The following TASL variants were observed in gnomAD, a reference collection of about 807,000 sequenced individuals.
The protein encoded by TASL is TLR adapter interacting with SLC15A4 on the lysosome.
Under a neutral mutation model 12.9 loss-of-function variants are expected in TASL, and 6 were observed. That is an observed-to-expected ratio of 0.46 (90% CI 0.25 to 0.92). The LOEUF is 0.92. TASL is among the 40% of genes least tolerant of loss of function. The pLI is 0.17. For synonymous variants in TASL, 85 were observed against 79.3 expected, an observed-to-expected ratio of 1.07 and a Z score of -0.38; for missense variants, 165 against 212.8, an observed-to-expected ratio of 0.78 and a Z score of 1.40.
chrX:30,573,926 A>T (rs1930668525), intron 2 of TASL, among the ~76,000 whole-genome samples: 1 of 111,843 alleles, frequency 8.9e-6, no homozygotes, highest in Non-Finnish European at 1.9e-5. Context: ...TCAAAAATAA[A>T]AAATAAATAA....
chrX:30,561,956 G>A (rs1464164678), intron 2 of TASL, among the ~76,000 whole-genome samples: 4 of 111,042 alleles, frequency 3.6e-5, no homozygotes, highest in Non-Finnish European at 7.5e-5. Flanking sequence ...TTACCTACAC[G>A]GAAAGATAAG....
intron 2 of TASL, among the ~76,000 whole-genome samples, chrX:30,561,302 T>A (rs762958218): frequency 9.0e-6 from 1 of 111,574 alleles, no homozygotes; most frequent in East Asian, 2.8e-4. Context: ...ACCTCCTAGT[T>A]ACCAAGGAGC....
intron 2 of TASL, among the ~76,000 whole-genome samples, chrX:30,576,248 A>G (rs756257435): frequency 8.9e-6 from 1 of 111,961 alleles, no homozygotes; most frequent in South Asian, 3.6e-4. Context: ...GTAATGTGTT[A>G]TAGAAGACTG....
intron 2 of TASL, among the ~76,000 whole-genome samples, chrX:30,563,939 C>T (rs1446977655): frequency 9.0e-6 from 1 of 111,251 alleles, no homozygotes; most frequent in Non-Finnish European, 1.9e-5. Flanking sequence ...ATTAATAGAG[C>T]CTATTGAGCT....
At chrX:30,573,390 G>A (rs1930658624) in intron 2 of TASL, among the ~76,000 whole-genome samples, 1 of 112,872 alleles carries the variant, frequency 8.9e-6, no homozygotes, top group African/African-American at 3.2e-5. Flanking sequence ...GGAAGGTGCA[G>A]TGAAGTGCAG....
intron 2 of TASL, among the ~76,000 whole-genome samples, chrX:30,570,931 A>T (rs1240547502): frequency 9.0e-6 from 1 of 110,811 alleles, no homozygotes; most frequent in African/African-American, 3.3e-5. Flanking sequence ...CTATAATCCC[A>T]GCACTTTGGG....
intron 2 of TASL, among the ~76,000 whole-genome samples, chrX:30,564,460 A>G (rs866853985): frequency 0.015 from 1,724 of 111,439 alleles, 19 homozygotes; most frequent in Non-Finnish European, 0.025. Context: ...GAAATGATAG[A>G]ACACTTGGGA....
rs374763358 is a variant in TASL at position 30,576,113 on chromosome X, C to A, written c.-2+639G>T. Among the ~76,000 whole-genome samples the A allele has an allele frequency of 5.4e-5, 6 of 111,806 alleles. No individual in the cohort carries two copies. In the East Asian group the frequency reaches 1.4e-3, roughly 26 times the overall value. ...TCAACTACAAATGCAATGCAAGATT[C>A]TTGATTGGATCCTGGATTTAAAACA... On this transcript the variant is annotated intron_variant, in intron 2 of 2. Transcript: ENST00000378962.
intron 2 of TASL, among the ~76,000 whole-genome samples, chrX:30,571,671 A>T (rs1930629804): frequency 9.0e-6 from 1 of 110,749 alleles, no homozygotes; most frequent in African/African-American, 3.3e-5. Flanking sequence ...TTAATGCACC[A>T]CTAGAATAAA....
intron 2 of TASL, among the ~76,000 whole-genome samples, chrX:30,566,573 T>G (rs998528423): frequency 8.9e-6 from 1 of 112,006 alleles, no homozygotes; most frequent in Non-Finnish European, 1.9e-5. Flanking sequence ...TGTTGGGTAA[T>G]GAAATGGGAT....
intron 2 of TASL, among the ~76,000 whole-genome samples, chrX:30,570,019 A>T (rs919080731): frequency 3.9e-5 from 2 of 50,710 alleles, no homozygotes; most frequent in Non-Finnish European, 6.9e-5. Context: ...TCTGTCTAAA[A>T]AGAAAAAAAA....
chrX:30,569,330 C>CA lies in TASL; in HGVS notation c.-2+7421dup, dbSNP rs199508789. 8.8e-3 allele frequency among the ~76,000 whole-genome samples: 973 copies of CA among 110,482 alleles called. 3 individuals are homozygous for CA. Among genetic ancestry groups the CA allele is most frequent in the Middle Eastern group, 0.023 (5 of 218 alleles). On this transcript the variant is annotated intron_variant, in intron 2 of 2. Coordinates refer to ENST00000378962, the MANE Select transcript of TASL (RefSeq NM_025159.3). ...ATGGAAGTGAAGGAGAGAGAGGAGC[C>CA]AAAAGTAACTCTGAGTGTGGGTATG...
chrX:30,560,007 A>G lies in TASL; in HGVS notation c.349T>C (p.Cys117Arg), dbSNP rs1930392983. 1 of 1,209,377 alleles carries G rather than the reference A, an allele frequency of 8.3e-7. No homozygotes were observed. The highest frequency in any genetic ancestry group is 1.7e-5 in the African/African-American group (1 of 57,196). Residue 117 changes from cysteine to arginine, a missense_variant, in exon 3 of 3, where the codon TGC becomes CGC. By Grantham distance (180) the Cys-to-Arg change is radical (BLOSUM62 -3). Transcript: ENST00000378962. ...TTATAATTCTTGCAAATACTTTTGC[A>G]AGAAGATGGAACCAAGTAGGTCTCT... ...SRETYLVPSS[C>R]KSICKNYNDL...
intron 2 of TASL, among the ~76,000 whole-genome samples, chrX:30,563,059 G>A (rs780888558): frequency 9.0e-6 from 1 of 110,969 alleles, no homozygotes; most frequent in African/African-American, 3.3e-5. Flanking sequence ...GAGCCATGGT[G>A]ATATGGTTTG....
chrX:30,563,530 G>A (rs936985945), intron 2 of TASL, among the ~76,000 whole-genome samples: 7 of 111,314 alleles, frequency 6.3e-5, no homozygotes, highest in Non-Finnish European at 1.3e-4. Context: ...AAGAAATATC[G>A]AAAATCTATT....
rs1049287508 is a variant in TASL, at chrX:30,577,642, A to G, written c.-121T>C. 3.6e-5 allele frequency: 4 copies of G among 111,946 alleles called. No homozygotes were observed. Among genetic ancestry groups the G allele is most frequent in the Non-Finnish European group, 7.5e-5 (4 of 53,233 alleles). 9.2% of individuals were successfully genotyped at this position (111,946 alleles called of 1,213,427 possible). On this transcript the variant is annotated 5_prime_UTR_variant, in exon 1 of 3. Transcript: ENST00000378962. ...CCTTTGCTTTCTTTTTCTTACCTTC[A>G]CTAACCAATCTGCTCATCTGATCCG... is the stretch of plus-strand genomic sequence containing the variant.
At chrX:30,562,813 T>C (rs1356198662) in intron 2 of TASL, among the ~76,000 whole-genome samples, 2 of 108,736 alleles carry the variant, frequency 1.8e-5, no homozygotes, top group Non-Finnish European at 3.8e-5. Context: ...CTAGGAAAGA[T>C]AGCAGAATAG....
intron 2 of TASL, among the ~76,000 whole-genome samples, chrX:30,562,910 A>G (rs1378418863): frequency 3.0e-4 from 32 of 107,707 alleles, no homozygotes; most frequent in Non-Finnish European, 5.6e-4. Flanking sequence ...ACACACACAC[A>G]CACACACACA....
Position 30,576,791 on chromosome X carries a change from T to C in TASL, c.-41A>G, listed in dbSNP as rs1025861853. ...AAAATTCCACTTATGATATGGATGTTTGACACAGACTTCAAATACTCTTCA... is the reference window on the plus strand; with the variant it reads ...AAAATTCCACTTATGATATGGATGTCTGACACAGACTTCAAATACTCTTCA... On this transcript the variant is annotated 5_prime_UTR_variant, in exon 2 of 3. Transcript: ENST00000378962. 12 of 111,996 alleles carry C rather than the reference T, an allele frequency of 1.1e-4. No homozygotes were observed. The Admixed American group carries it at 1.1e-3, about 11-fold the overall frequency. 9.2% of individuals were successfully genotyped at this position (111,996 alleles called of 1,213,427 possible).
Sources: allele counts gnomAD v4.1 joint callset (sites outside exome capture counted in the v4.1 genomes callset), GRCh38; gene constraint gnomAD v4.1.1; transcripts MANE v1.5; gene names NCBI Gene and HGNC (gene_info 2026-07-23, HGNC 2026-07-21).